Variants in CSMD1 observed in about 807,000 individuals in gnomAD.
CSMD1 encodes CUB and sushi domain-containing protein 1.
A neutral mutation model predicts 417.5 loss-of-function variants in CSMD1; 213 were observed. The observed-to-expected ratio is 0.51, with a 90% CI of 0.46 to 0.57. The LOEUF is 0.57. Among genes scored for constraint, CSMD1 ranks in the 20% least tolerant of loss-of-function variants. The probability of loss-of-function intolerance (pLI) is 0.00; values close to 1 mark genes in which losing one functional copy is unlikely to be tolerated. For missense variants in CSMD1, 6,923 were observed against 4,529.7 expected (o/e 1.53, Z -15.17); for synonymous variants, 2,862 against 1,736.8 (o/e 1.65, Z -16.11).
At chr8:4,923,545 G>C (rs7822760) in intron 1 of CSMD1, among the ~76,000 whole-genome samples, 18,419 of 151,178 alleles carry the variant, frequency 0.12, 2,026 homozygotes, top group African/African-American at 0.3. Context: ...TATATACTAT[G>C]TGCCCACATA....
chr8:3,478,040 T>G (rs1374389365), intron 11 of CSMD1, among the ~76,000 whole-genome samples: 1 of 152,332 alleles, frequency 6.6e-6, no homozygotes, highest in East Asian at 1.9e-4. Flanking sequence ...GAAGTTACTA[T>G]CATTTCCCCA....
intron 7 of CSMD1, among the ~76,000 whole-genome samples, chr8:3,635,553 A>T (rs1452236697): frequency 6.8e-6 from 1 of 146,320 alleles, no homozygotes; most frequent in African/African-American, 2.5e-5. Flanking sequence ...GCGCGATCTC[A>T]GCTCACTGCA....
intron 5 of CSMD1, among the ~76,000 whole-genome samples, chr8:3,906,615 AC>A (rs1242227004): frequency 6.7e-6 from 1 of 150,054 alleles, no homozygotes; most frequent in Non-Finnish European, 1.5e-5. Flanking sequence ...CTAGAATCTA[AC>A]AAACCTAAGC....
intron 3 of CSMD1, among the ~76,000 whole-genome samples, chr8:4,282,351 C>T (rs1028611269): frequency 6.6e-6 from 1 of 152,240 alleles, no homozygotes; most frequent in Middle Eastern, 3.4e-3. Flanking sequence ...GATCTTCTGG[C>T]CACTGGACAA....
intron 5 of CSMD1, among the ~76,000 whole-genome samples, chr8:3,947,909 A>T (rs1027726997): frequency 1.3e-5 from 2 of 152,170 alleles, no homozygotes; most frequent in Admixed American, 6.5e-5. Context: ...AGTCCTGTTA[A>T]AATCTCCAAT....
chr8:3,287,767 C>A (rs1762111771), intron 25 of CSMD1, among the ~76,000 whole-genome samples: 1 of 152,050 alleles, frequency 6.6e-6, no homozygotes, highest in African/African-American at 2.4e-5. Flanking sequence ...ATTTGACTTC[C>A]TCTTTTCCTA....
At chr8:3,397,731 G>C (rs1005742945) in intron 16 of CSMD1, among the ~76,000 whole-genome samples, 2 of 152,320 alleles carry the variant, frequency 1.3e-5, no homozygotes, top group East Asian at 1.9e-4. Flanking sequence ...TTTAGTAACA[G>C]TGAGGACTGA....
chr8:3,636,555 T>A (rs143092025), intron 7 of CSMD1, among the ~76,000 whole-genome samples: 166 of 152,324 alleles, frequency 1.1e-3, no homozygotes, highest in African/African-American at 3.8e-3. Context: ...TCCTGAGGAA[T>A]GTACATGTAA....
intron 3 of CSMD1, among the ~76,000 whole-genome samples, chr8:4,150,515 T>G (rs1411654898): frequency 6.6e-6 from 1 of 152,206 alleles, no homozygotes; most frequent in Non-Finnish European, 1.5e-5. Flanking sequence ...GAAGGCAGAA[T>G]TTCTCTTTCT....
intron 3 of CSMD1, among the ~76,000 whole-genome samples, chr8:4,254,012 G>T (rs978152375): frequency 7.1e-6 from 1 of 140,494 alleles, no homozygotes; most frequent in Non-Finnish European, 1.5e-5. Flanking sequence ...TGCCTCCAGG[G>T]TTCATGCCAT....
At chr8:4,328,183 G>C (rs895363446) in intron 3 of CSMD1, among the ~76,000 whole-genome samples, 2 of 151,012 alleles carry the variant, frequency 1.3e-5, no homozygotes, top group South Asian at 2.1e-4. Context: ...TTATAAGACA[G>C]TAAGTAAGCT....
chr8:3,475,875 C>G (rs1475167697), intron 11 of CSMD1, among the ~76,000 whole-genome samples: 3 of 152,208 alleles, frequency 2.0e-5, no homozygotes, highest in African/African-American at 4.8e-5. Context: ...CTTTCCAATG[C>G]AAATGTGTCA....
At chr8:3,810,534 G>A (rs1168559536) in intron 5 of CSMD1, among the ~76,000 whole-genome samples, 2 of 152,144 alleles carry the variant, frequency 1.3e-5, no homozygotes, top group Non-Finnish European at 2.9e-5. Context: ...ATGCCTCCTT[G>A]GTGTGGTCTG....
In CSMD1 at chr8:3,616,717, C is replaced by A. The variant is rs762477333; in HGVS notation, c.1090G>T (p.Asp364Tyr). Residue 364 changes from aspartate to tyrosine, a missense_variant, in exon 8 of 70, where the codon GAC becomes TAC. Transcript: ENST00000635120. ...CACTATTGTATCTCTTACCTGAAGT[C>A]GGAACCTGCTCTTCTACCATTTTCT... is the stretch of plus-strand genomic sequence containing the variant. ...IPENGRRAGS[D>Y]FRVGANVQFS... 10 of 1,606,964 alleles carry A rather than the reference C, an allele frequency of 6.2e-6. No homozygotes were observed. Among genetic ancestry groups the A allele is most frequent in the Non-Finnish European group, 8.5e-6 (10 of 1,174,350 alleles).
At chr8:4,092,116 T>A (rs990953445) in intron 3 of CSMD1, among the ~76,000 whole-genome samples, 1 of 152,196 alleles carries the variant, frequency 6.6e-6, no homozygotes, top group East Asian at 1.9e-4. Context: ...CTTAGAGAAA[T>A]ACTTTCTCCT....
At chr8:3,453,911 G>A (rs1334075242) in intron 12 of CSMD1, among the ~76,000 whole-genome samples, 2 of 152,128 alleles carry the variant, frequency 1.3e-5, no homozygotes, top group African/African-American at 2.4e-5. Flanking sequence ...TGACAGTAGG[G>A]TGTTAAAGTC....
chr8:4,551,790 C>G (rs561848495), intron 2 of CSMD1, among the ~76,000 whole-genome samples: 2 of 152,166 alleles, frequency 1.3e-5, no homozygotes, highest in South Asian at 4.1e-4. Flanking sequence ...ATGATCCTCC[C>G]ACCTCAGCCT....
intron 11 of CSMD1, among the ~76,000 whole-genome samples, chr8:3,474,315 G>A (rs1418435163): frequency 1.3e-5 from 2 of 151,890 alleles, no homozygotes; most frequent in Admixed American, 6.6e-5. Context: ...AATAAACAAT[G>A]CAATAGCAAA....
chr8:3,687,876 G>C (rs182787291), intron 7 of CSMD1, among the ~76,000 whole-genome samples: 4 of 152,200 alleles, frequency 2.6e-5, no homozygotes, highest in Admixed American at 2.0e-4. Flanking sequence ...ACCAGAGTCC[G>C]TACTGATGAC....
Sources: gnomAD v4.1 joint callset for allele counts (sites outside exome capture counted in the v4.1 genomes callset) on GRCh38, gnomAD v4.1.1 for gene constraint, MANE v1.5 for transcripts, NCBI Gene and HGNC (gene_info 2026-07-23, HGNC 2026-07-21) for gene names.